Variants in TRAPPC10 observed in about 807,000 individuals in gnomAD.
TRAPPC10 encodes the protein trafficking protein particle complex subunit 10, also known as TRAPP 130 kDa subunit.
TRAPPC10 carries 23 observed loss-of-function variants against 125.5 expected under a neutral mutation model. The ratio of observed to expected loss-of-function variants is 0.18; its 90% CI spans 0.13 to 0.26. The LOEUF (loss-of-function observed/expected upper bound fraction) is 0.26. TRAPPC10 is among the 10% of genes least tolerant of loss of function. The pLI, the probability that TRAPPC10 is intolerant of heterozygous loss-of-function variation, is 1.00. For missense variants in TRAPPC10, 1,123 were observed against 1,308.4 expected, an observed-to-expected ratio of 0.86 and a Z score of 2.19; for synonymous variants, 509 against 518.0, an observed-to-expected ratio of 0.98 and a Z score of 0.24.
intron 18 of TRAPPC10, among the ~76,000 whole-genome samples, chr21:44,091,273 T>C (rs964920574): frequency 1.3e-5 from 2 of 152,208 alleles, no homozygotes; most frequent in Non-Finnish European, 2.9e-5. Context: ...CATCTCTCAA[T>C]GGAGAGTCTT....
At chr21:44,046,694 G>C (rs897949776) in intron 3 of TRAPPC10, 33 of 308,460 alleles carry the variant, frequency 1.1e-4, no homozygotes, top group African/African-American at 6.5e-4. Flanking sequence ...TTTTAGTAGA[G>C]ACGGGGTTTC....
Position 44,087,200 on chromosome 21 carries a change from A to G in TRAPPC10, c.2539+240A>G, listed in dbSNP as rs892977887. On this transcript the variant is annotated intron_variant, in intron 16 of 22. Coordinates refer to ENST00000291574, the MANE Select transcript of TRAPPC10 (RefSeq NM_003274.5). This position sits in a 1 kb window ranked among gnomAD's most constrained non-coding sequence, Gnocchi z 4.6. ...AGTGCTTGTCTGGCTGAGGATTAGG[A>G]GATGGGGGTCACGGCTGGGGTCACG... Among the ~76,000 whole-genome samples, 7 of 152,166 alleles carry G rather than the reference A, an allele frequency of 4.6e-5. No individual in the cohort carries two copies. Among genetic ancestry groups the G allele is most frequent in the African/African-American group, 1.7e-4 (7 of 41,430 alleles).
At chr21:44,073,417 T>G (rs1226125157) in intron 7 of TRAPPC10, among the ~76,000 whole-genome samples, 1 of 152,208 alleles carries the variant, frequency 6.6e-6, no homozygotes, top group Non-Finnish European at 1.5e-5. Context: ...CACTTAAAAG[T>G]GTAAGATGCC....
intron 4 of TRAPPC10, among the ~76,000 whole-genome samples, chr21:44,054,972 G>A (rs544786777): frequency 6.6e-5 from 10 of 152,222 alleles, no homozygotes; most frequent in East Asian, 1.9e-4. Context: ...GAGCTGGGAA[G>A]CAGAGGAAGT....
intron 3 of TRAPPC10, among the ~76,000 whole-genome samples, chr21:44,049,582 C>G (rs1021386851): frequency 1.3e-5 from 2 of 152,216 alleles, no homozygotes; most frequent in Non-Finnish European, 2.9e-5. Flanking sequence ...CCTTATACCA[C>G]TTACACCCTT....
chr21:44,019,523 A>C (rs911281406), intron 1 of TRAPPC10, among the ~76,000 whole-genome samples: 5 of 152,140 alleles, frequency 3.3e-5, no homozygotes, highest in Admixed American at 3.3e-4. Context: ...GGCCTTAGAG[A>C]ATATTTGTTT....
At chr21:44,081,005 C>CTTTTTTTTTTCT (rs2037673502) in intron 13 of TRAPPC10, among the ~76,000 whole-genome samples, 4 of 103,892 alleles carry the variant, frequency 3.9e-5, no homozygotes, top group African/African-American at 1.3e-4. Context: ...TATTATTGTT[C>CTTTTTTTTTTCT]TTTTTTTTTT....
intron 7 of TRAPPC10, among the ~76,000 whole-genome samples, chr21:44,071,743 C>T (rs1403311599): frequency 6.6e-6 from 1 of 152,228 alleles, no homozygotes; most frequent in Non-Finnish European, 1.5e-5. Context: ...ATACAGGGAG[C>T]TGTGATTCTC....
chr21:44,043,702 C>T (rs2034576444), intron 3 of TRAPPC10, among the ~76,000 whole-genome samples: 1 of 152,154 alleles, frequency 6.6e-6, no homozygotes, highest in South Asian at 2.1e-4. Flanking sequence ...CCTGTGTTTC[C>T]TCCAGTTGAA....
chr21:44,081,407 C>T (rs1272707607), intron 13 of TRAPPC10, among the ~76,000 whole-genome samples: 1 of 152,122 alleles, frequency 6.6e-6, no homozygotes, highest in Non-Finnish European at 1.5e-5. Context: ...AATCTACACA[C>T]CTCGGTCTCC....
rs781771192 is a variant in TRAPPC10 at position 44,087,003 on chromosome 21, GC to G, written c.2539+46del. On this transcript the variant is annotated intron_variant, in intron 16 of 22. Coordinates refer to ENST00000291574, the MANE Select transcript of TRAPPC10 (RefSeq NM_003274.5). This position sits in a 1 kb window ranked among gnomAD's most constrained non-coding sequence, Gnocchi z 4.6. ...CAGGCCCAAGGAGGATGCCCACCTT[GC>G]CCTGCACTGTGTGGGTGTGAGGGTG... 7 of 1,605,210 alleles carry G rather than the reference GC, an allele frequency of 4.4e-6. No homozygotes were observed. The African/African-American group carries it at 9.4e-5, about 21-fold the overall frequency.
At chr21:44,089,718 A>C (rs2038441857) in intron 17 of TRAPPC10, 115 bp from the exon 18 acceptor site, 3 of 741,810 alleles carry the variant, frequency 4.0e-6, no homozygotes, top group Non-Finnish European at 7.3e-6. Flanking sequence ...GGTTGAAGCC[A>C]TAATAAAATG....
intron 14 of TRAPPC10, among the ~76,000 whole-genome samples, chr21:44,083,591 C>T (rs930292659): frequency 1.3e-5 from 2 of 152,330 alleles, no homozygotes; most frequent in South Asian, 4.1e-4. Flanking sequence ...TTCCCCCCTG[C>T]ATATGAAAAT....
chr21:44,094,111 A>G lies in TRAPPC10; in HGVS notation c.3046A>G (p.Thr1016Ala). ...SVFFVWELKW[T>A]EEPPPSLHCR... ...GTTCTTCGTCTGGGAACTCAAGTGGACAGAAGAGCCTCCCCCTTCTCTGCA... is the reference window on the plus strand; with the variant it reads ...GTTCTTCGTCTGGGAACTCAAGTGGGCAGAAGAGCCTCCCCCTTCTCTGCA... Residue 1016 changes from threonine to alanine, a missense_variant, in exon 20 of 23, where the codon ACA becomes GCA. By Grantham distance (58) the Thr-to-Ala change is moderately conservative. Coordinates refer to ENST00000291574, the MANE Select transcript of TRAPPC10 (RefSeq NM_003274.5). 6.2e-7 allele frequency: 1 copy of G among 1,614,114 alleles called. No homozygotes were observed. The highest frequency in any genetic ancestry group is 8.5e-7 in the Non-Finnish European group (1 of 1,179,982).
chr21:44,073,805 C>T (rs984809415), intron 7 of TRAPPC10, among the ~76,000 whole-genome samples: 4 of 152,102 alleles, frequency 2.6e-5, no homozygotes, highest in African/African-American at 9.7e-5. Context: ...TGTAATTCCT[C>T]GTGTGATATT....
At position 44,018,777 on chromosome 21, in the gene TRAPPC10, G is replaced by A. The variant is rs147872870; in HGVS notation, c.67+6217G>A. Among the ~76,000 whole-genome samples, 52 of 152,194 alleles carry A rather than the reference G, an allele frequency of 3.4e-4. 1 individual carries two copies. The East Asian group carries it at 8.9e-3, about 26-fold the overall frequency. Reference sequence around the variant, plus strand: ...TTTTTGCTGTGTGCTTCCACCAGAGGCCTGCCAACTGACAGTGTGATTGTG... The same window carrying A: ...TTTTTGCTGTGTGCTTCCACCAGAGACCTGCCAACTGACAGTGTGATTGTG... On this transcript the variant is annotated intron_variant, in intron 1 of 22. Coordinates refer to ENST00000291574, the MANE Select transcript of TRAPPC10 (RefSeq NM_003274.5).
chr21:44,035,632 C>G (rs574154013), intron 2 of TRAPPC10, among the ~76,000 whole-genome samples: 1 of 152,146 alleles, frequency 6.6e-6, no homozygotes, highest in East Asian at 1.9e-4. Flanking sequence ...ACAAAATTAG[C>G]CAGGCATGGT....
intron 3 of TRAPPC10, among the ~76,000 whole-genome samples, chr21:44,044,215 T>C (rs2034613342): frequency 6.6e-6 from 1 of 152,184 alleles, no homozygotes; most frequent in Admixed American, 6.5e-5. Context: ...GACTTTTTTC[T>C]GCCCTTATTT....
chr21:44,036,496 G>C (rs559856025), intron 2 of TRAPPC10, among the ~76,000 whole-genome samples: 2 of 152,326 alleles, frequency 1.3e-5, no homozygotes, highest in African/African-American at 4.8e-5. Flanking sequence ...GTGCAGTTCT[G>C]TTCCATCACT....
Sources: allele counts gnomAD v4.1 joint callset (sites outside exome capture counted in the v4.1 genomes callset), GRCh38; gene constraint gnomAD v4.1.1; non-coding constraint Gnocchi (gnomAD v3.1); transcripts MANE v1.5; gene names NCBI Gene and HGNC (gene_info 2026-07-23, HGNC 2026-07-21).